The following ZNF385D variants were observed in gnomAD, a reference collection of about 807,000 sequenced individuals.
The protein encoded by ZNF385D is zinc finger protein 385D.
A neutral mutation model predicts 35.8 loss-of-function variants in ZNF385D; 15 were observed. That is an observed-to-expected ratio of 0.42 (90% CI 0.28 to 0.64). The LOEUF is 0.64. Among genes scored for constraint, ZNF385D ranks in the 30% least tolerant of loss-of-function variants. The pLI is 0.23. For synonymous variants in ZNF385D, 212 were observed against 186.8 expected, an observed-to-expected ratio of 1.13 and a Z score of -1.10; for missense variants, 474 against 494.6, an observed-to-expected ratio of 0.96 and a Z score of 0.39.
chr3:21,813,184 C>T (rs938644971), intron 3 of ZNF385D, among the ~76,000 whole-genome samples: 8 of 152,126 alleles, frequency 5.3e-5, no homozygotes, highest in African/African-American at 1.9e-4. Context: ...ATACCAAAAC[C>T]CCATCTGTAG....
At position 21,414,096 on chromosome 3, in the gene ZNF385D, T is replaced by C. The variant is rs1700529367; in HGVS notation, c.*7118A>G. On this transcript the variant is annotated 3_prime_UTR_variant, in exon 8 of 8. Coordinates refer to ENST00000281523, the MANE Select transcript of ZNF385D (RefSeq NM_024697.3). The stretch of plus-strand genomic sequence containing the variant: ...TAAAATTTCAGTGAATTAAATATTA[T>C]TAGAAGAAATTATTGACTAAGTTTC... 1 of 152,090 alleles carries C rather than the reference T, an allele frequency of 6.6e-6. No homozygotes were observed. The highest frequency in any genetic ancestry group is 1.5e-5 in the Non-Finnish European group (1 of 67,982). 9.4% of individuals were successfully genotyped at this position (152,090 alleles called of 1,614,324 possible).
At chr3:22,253,149 G>T (rs1000747541) in intron 2 of ZNF385D, among the ~76,000 whole-genome samples, 1 of 151,964 alleles carries the variant, frequency 6.6e-6, no homozygotes, top group East Asian at 1.9e-4. Flanking sequence ...CAATAACTGA[G>T]ATAAAGAGCA....
intron 3 of ZNF385D, among the ~76,000 whole-genome samples, chr3:21,822,019 C>T (rs1276894139): frequency 6.6e-6 from 1 of 150,712 alleles, no homozygotes; most frequent in Non-Finnish European, 1.5e-5. Flanking sequence ...TTTTTTATTG[C>T]TCCAAAAGGA....
intron 2 of ZNF385D, among the ~76,000 whole-genome samples, chr3:21,627,817 T>C (rs935315709): frequency 6.6e-6 from 1 of 152,068 alleles, no homozygotes; most frequent in African/African-American, 2.4e-5. Flanking sequence ...CCCAGTCACT[T>C]ATAAGGAAAG....
intron 2 of ZNF385D, among the ~76,000 whole-genome samples, chr3:22,284,871 C>A (rs1016234553): frequency 2.0e-5 from 3 of 151,958 alleles, no homozygotes; most frequent in African/African-American, 7.3e-5. Context: ...TTTTGACAGA[C>A]CCAAATCATT....
intron 3 of ZNF385D, among the ~76,000 whole-genome samples, chr3:22,134,970 T>G (rs1026769349): frequency 6.6e-6 from 1 of 152,156 alleles, no homozygotes; most frequent in Non-Finnish European, 1.5e-5. Context: ...ATTATGAAAA[T>G]GACTGCATTC....
At chr3:21,668,520 C>T (rs1400030665) in intron 1 of ZNF385D, among the ~76,000 whole-genome samples, 1 of 152,122 alleles carries the variant, frequency 6.6e-6, no homozygotes, top group East Asian at 1.9e-4. Flanking sequence ...TCTGTGACAC[C>T]AGGATACAGC....
At chr3:21,864,524 A>G (rs1697227817) in intron 3 of ZNF385D, among the ~76,000 whole-genome samples, 1 of 152,106 alleles carries the variant, frequency 6.6e-6, no homozygotes, top group Admixed American at 6.6e-5. Context: ...ACTTTTGAGA[A>G]TTAAACTGGC....
rs35586361 is a variant in ZNF385D at position 21,694,042 on chromosome 3, CT to C, written c.23-29015del. Among the ~76,000 whole-genome samples, 14 of 22,170 alleles carry C rather than the reference CT, an allele frequency of 6.3e-4. 1 individual carries two copies. The highest frequency in any genetic ancestry group is 1.6e-3 in the East Asian group (2 of 1,228). The allele number at this position is 22,170 out of a possible 152,430, so 14.5% of individuals were successfully genotyped here. A position where few individuals can be genotyped will look rare whatever the true frequency, so the allele number is the denominator to read the frequency against. On this transcript the variant is annotated intron_variant, in intron 1 of 7. Transcript: ENST00000281523. ...TACAGGCGCGTGCCACTACGCCTGGCTTTTTTTTTTTTTTTTTTTGAGACAG... is the reference window on the plus strand; with the variant it reads ...TACAGGCGCGTGCCACTACGCCTGGCTTTTTTTTTTTTTTTTTTGAGACAG...
At chr3:22,228,627 C>T (rs186361111) in intron 2 of ZNF385D, among the ~76,000 whole-genome samples, 2 of 152,128 alleles carry the variant, frequency 1.3e-5, no homozygotes, top group South Asian at 4.2e-4. Context: ...AGTGTCAACT[C>T]GATTGGTTTG....
At chr3:21,424,958 G>A in intron 6 of ZNF385D, among the ~76,000 whole-genome samples, 1 of 152,144 alleles carries the variant, frequency 6.6e-6, no homozygotes, top group African/African-American at 2.4e-5. Flanking sequence ...CTCTTTGGAA[G>A]ACTATTCATA....
intron 3 of ZNF385D, among the ~76,000 whole-genome samples, chr3:21,966,502 T>A (rs546540013): frequency 6.6e-6 from 1 of 152,324 alleles, no homozygotes; most frequent in South Asian, 2.1e-4. Flanking sequence ...CAGAAATTGT[T>A]CACTGTATTC....
chr3:21,703,184 A>G (rs2067758157), intron 1 of ZNF385D, among the ~76,000 whole-genome samples: 1 of 152,212 alleles, frequency 6.6e-6, no homozygotes, highest in Non-Finnish European at 1.5e-5. Flanking sequence ...GGGAGGCCTC[A>G]GAATCATGGC....
chr3:22,038,816 G>C (rs925292794), intron 3 of ZNF385D, among the ~76,000 whole-genome samples: 2 of 151,414 alleles, frequency 1.3e-5, no homozygotes, highest in African/African-American at 4.8e-5. Flanking sequence ...TTTTTAAAAT[G>C]TGCACTGAAG....
rs531753396 is a variant in ZNF385D at position 21,950,170 on chromosome 3, C to T, written c.325+218647G>A. Among the ~76,000 whole-genome samples, 18 of 151,886 alleles carry T rather than the reference C, an allele frequency of 1.2e-4. 1 individual carries two copies. Among genetic ancestry groups the T allele is most frequent in the Non-Finnish European group, 1.6e-4 (11 of 68,020 alleles). ...ATGGTTGAACTAATTTACACTCCCA[C>T]CAACAGTGTAAAAGTGTTCCTGTTT... On this transcript the variant is annotated intron_variant, in intron 3 of 5. Transcript: ENST00000494108.
intron 3 of ZNF385D, among the ~76,000 whole-genome samples, chr3:22,155,861 T>C (rs997308119): frequency 6.6e-6 from 1 of 152,158 alleles, no homozygotes; most frequent in African/African-American, 2.4e-5. Context: ...AATTTGGGTC[T>C]CATTTACAGT....
intron 2 of ZNF385D, among the ~76,000 whole-genome samples, chr3:21,573,850 A>C (rs2063408867): frequency 6.6e-6 from 1 of 152,114 alleles, no homozygotes; most frequent in Non-Finnish European, 1.5e-5. Context: ...ACCTGAGGTC[A>C]GGAATTCAAG....
chr3:22,263,278 A>G (rs1700727990), intron 2 of ZNF385D, among the ~76,000 whole-genome samples: 2 of 151,960 alleles, frequency 1.3e-5, no homozygotes, highest in Admixed American at 1.3e-4. Context: ...AAAGCTGCCC[A>G]TCTTGCTGTT....
intron 3 of ZNF385D, among the ~76,000 whole-genome samples, chr3:21,922,808 G>C (rs1700536574): frequency 6.6e-6 from 1 of 152,022 alleles, no homozygotes; most frequent in Admixed American, 6.6e-5. Flanking sequence ...TAAACAAAAG[G>C]GCTTCCACAC....
Sources: allele counts gnomAD v4.1 joint callset (sites outside exome capture counted in the v4.1 genomes callset), GRCh38; gene constraint gnomAD v4.1.1; transcripts MANE v1.5; gene names NCBI Gene and HGNC (gene_info 2026-07-23, HGNC 2026-07-21).